The following PDXDC1 variants were observed in gnomAD, a reference collection of about 807,000 sequenced individuals.
PDXDC1 encodes the protein pyridoxal dependent decarboxylase domain containing 1.
Under a neutral mutation model 100.1 loss-of-function variants are expected in PDXDC1, and 42 were observed. That is an observed-to-expected ratio of 0.42 (90% CI 0.33 to 0.54). PDXDC1 has a LOEUF of 0.54. Among genes scored for constraint, PDXDC1 ranks in the 20% least tolerant of loss-of-function variants. The pLI is 0.10. For missense variants in PDXDC1, 636 were observed against 979.2 expected (o/e 0.65, Z 4.68); for synonymous variants, 260 against 371.7 (o/e 0.70, Z 3.46).
the PDXDC1 span, among the ~76,000 whole-genome samples, chr16:15,146,184 G>A: frequency 6.6e-6 from 1 of 152,148 alleles, no homozygotes; most frequent in African/African-American, 2.4e-5. Flanking sequence ...CACAGAGATG[G>A]CTCCAGCAGG....
chr16:15,094,268 C>G (rs756063064), intron 16 of PDXDC1: 5 of 1,493,274 alleles, frequency 3.3e-6, no homozygotes, highest in Non-Finnish European at 3.7e-6. Context: ...CGCCTCAGGC[C>G]GGATGCCCAG....
chr16:15,143,148 G>A (rs531045569), downstream of PDXDC1, among the ~76,000 whole-genome samples: 158 of 152,274 alleles, frequency 1.0e-3, no homozygotes, highest in African/African-American at 3.6e-3. Flanking sequence ...AGCGCCGAGC[G>A]TCCGATCTGG....
rs1018650412 is a variant in PDXDC1 at position 15,036,513 on chromosome 16, A to G, written c.*238A>G. 5 of 539,334 alleles carry G rather than the reference A, an allele frequency of 9.3e-6. No individual in the cohort carries two copies. The highest frequency in any genetic ancestry group is 7.5e-5 in the African/African-American group (4 of 53,084). 33.4% of individuals were successfully genotyped at this position (539,334 alleles called of 1,614,324 possible). On this transcript the variant is annotated 3_prime_UTR_variant, in exon 23 of 23. Coordinates refer to ENST00000396410, the MANE Select transcript of PDXDC1 (RefSeq NM_015027.4). ...TACTACGACTTTTCCCTAAGTTACC[A>G]TAAACACATTTTATTCACAAAAAAC...
chr16:14,982,710 T>C (rs1968275899), intron 1 of PDXDC1, among the ~76,000 whole-genome samples: 1 of 152,292 alleles, frequency 6.6e-6, no homozygotes, highest in Non-Finnish European at 1.5e-5. Flanking sequence ...TCCTGTCCTC[T>C]TCTCTCATCC....
chr16:15,048,624 C>T (rs2151718377), intron 16 of PDXDC1, among the ~76,000 whole-genome samples: 1 of 152,088 alleles, frequency 6.6e-6, no homozygotes, highest in Middle Eastern at 3.4e-3. Context: ...AAATCACATC[C>T]CCTCTTTTTT....
chr16:15,131,553 C>A (rs1402861918), intron 16 of PDXDC1: 2 of 1,609,566 alleles, frequency 1.2e-6, no homozygotes, highest in Admixed American at 3.3e-5. Context: ...GTGTCAGGGG[C>A]TCCTCGTTGA....
intron 16 of PDXDC1, chr16:15,128,070 A>T: frequency 6.2e-7 from 1 of 1,609,192 alleles, no homozygotes. Flanking sequence ...ACCAGGAAGA[A>T]GGTGCTGTGT....
intron 15 of PDXDC1, chr16:15,029,631 C>T (rs1388812213): frequency 3.4e-5 from 17 of 499,612 alleles, no homozygotes; most frequent in South Asian, 2.5e-4. Context: ...ACTCCCTGCC[C>T]GCCACTAGGA....
chr16:15,125,019 C>T (rs1453305760), intron 16 of PDXDC1, among the ~76,000 whole-genome samples: 2 of 151,072 alleles, frequency 1.3e-5, no homozygotes, highest in African/African-American at 4.9e-5. Flanking sequence ...TGGTGGCACA[C>T]GCCTGTAACC....
intron 16 of PDXDC1, among the ~76,000 whole-genome samples, chr16:15,097,179 A>C (rs1598049600): frequency 6.6e-6 from 1 of 152,016 alleles, no homozygotes; most frequent in East Asian, 1.9e-4. Flanking sequence ...GAGGTGGGAG[A>C]ATCACTTGAA....
intron 8 of PDXDC1, among the ~76,000 whole-genome samples, chr16:15,013,942 C>G (rs2041569562): frequency 6.6e-6 from 1 of 151,842 alleles, no homozygotes; most frequent in African/African-American, 2.4e-5. Context: ...TGCGGTGGCT[C>G]ATGCATGTAA....
chr16:14,990,050 C>A, intron 1 of PDXDC1: 1 of 1,488,592 alleles, frequency 6.7e-7, no homozygotes, highest in Non-Finnish European at 8.9e-7. Context: ...GCGCGCCGGA[C>A]CCCCCAAACC....
At chr16:15,144,878 C>T in the PDXDC1 span, among the ~76,000 whole-genome samples, 4 of 152,192 alleles carry the variant, frequency 2.6e-5, no homozygotes, top group Admixed American at 6.5e-5. Context: ...GCGCTTCATA[C>T]GTATGCCACC....
downstream of PDXDC1, among the ~76,000 whole-genome samples, chr16:15,142,173 G>A (rs2048485883): frequency 6.6e-6 from 1 of 152,144 alleles, no homozygotes; most frequent in Non-Finnish European, 1.5e-5. Context: ...CATCAAGAGT[G>A]GCTGCTGCTG....
At chr16:15,020,557 CG>C (rs1320600581) in intron 12 of PDXDC1, among the ~76,000 whole-genome samples, 3 of 152,362 alleles carry the variant, frequency 2.0e-5, no homozygotes, top group African/African-American at 7.2e-5. Context: ...GGCATGGTGG[CG>C]GGTGCCTGTA....
chr16:15,057,219 G>A (rs984139117), intron 16 of PDXDC1, among the ~76,000 whole-genome samples: 3 of 152,110 alleles, frequency 2.0e-5, no homozygotes, highest in Non-Finnish European at 2.9e-5. Context: ...AGAAATGACT[G>A]TAGAAGATGG....
At chr16:14,991,267 A>ATGTATG (rs1555545861) in intron 1 of PDXDC1, among the ~76,000 whole-genome samples, 2 of 149,766 alleles carry the variant, frequency 1.3e-5, no homozygotes, top group African/African-American at 5.0e-5. Context: ...GTATATAGAT[A>ATGTATG]TGTGTGTGTG....
At chr16:15,072,941 C>T in intron 16 of PDXDC1, 1 of 1,613,234 alleles carries the variant, frequency 6.2e-7, no homozygotes, top group Non-Finnish European at 8.5e-7. Context: ...TAATCACATT[C>T]TTACTCACCA....
intron 1 of PDXDC1, among the ~76,000 whole-genome samples, chr16:14,991,682 C>T (rs559977146): frequency 5.6e-3 from 851 of 151,924 alleles, no homozygotes; most frequent in Non-Finnish European, 7.5e-3. Flanking sequence ...CCATGCCCGG[C>T]TTACTTTTTT....
Sources: allele counts gnomAD v4.1 joint callset (sites outside exome capture counted in the v4.1 genomes callset), GRCh38; gene constraint gnomAD v4.1.1; transcripts MANE v1.5; gene names NCBI Gene and HGNC (gene_info 2026-07-23, HGNC 2026-07-21).